The following TMEM135 variants were observed in gnomAD, a reference collection of about 807,000 sequenced individuals.
The protein encoded by TMEM135 is transmembrane protein 135.
Under a neutral mutation model 60.3 loss-of-function variants are expected in TMEM135, and 30 were observed. That is an observed-to-expected ratio of 0.50 (90% CI 0.37 to 0.68). TMEM135 has a LOEUF of 0.68. TMEM135 is among the 30% of genes least tolerant of loss of function. The pLI is 0.00. For synonymous variants in TMEM135, 190 were observed against 186.7 expected (o/e 1.02, Z -0.14); for missense variants, 468 against 548.8 (o/e 0.85, Z 1.47).
chr11:87,082,794 T>C (rs926296315), intron 3 of TMEM135, among the ~76,000 whole-genome samples: 1 of 152,192 alleles, frequency 6.6e-6, no homozygotes, highest in Admixed American at 6.5e-5. Context: ...AGAAGAAACA[T>C]ATTGTGATGA....
At chr11:87,268,404 C>T (rs144542697) in intron 6 of TMEM135, among the ~76,000 whole-genome samples, 37 of 152,074 alleles carry the variant, frequency 2.4e-4, no homozygotes, top group African/African-American at 8.2e-4. Flanking sequence ...GTGTGAACCA[C>T]CATGCCAGGC....
intron 4 of TMEM135, among the ~76,000 whole-genome samples, chr11:87,115,494 A>T (rs1484156255): frequency 6.6e-6 from 1 of 152,146 alleles, no homozygotes; most frequent in Non-Finnish European, 1.5e-5. Context: ...ATACTTTTGT[A>T]ATTACTTTGC....
intron 5 of TMEM135, among the ~76,000 whole-genome samples, chr11:87,184,498 A>C (rs1939601535): frequency 6.6e-6 from 1 of 152,200 alleles, no homozygotes; most frequent in Non-Finnish European, 1.5e-5. Flanking sequence ...AAGACAATAC[A>C]TAGTGAATTT....
At chr11:87,306,575 A>G (rs115950258) in intron 9 of TMEM135, among the ~76,000 whole-genome samples, 2 of 152,186 alleles carry the variant, frequency 1.3e-5, no homozygotes, top group African/African-American at 2.4e-5. Flanking sequence ...AGTGGACTTG[A>G]GTACTAGTGT....
At chr11:87,225,499 A>G (rs899069500) in intron 5 of TMEM135, among the ~76,000 whole-genome samples, 1 of 148,492 alleles carries the variant, frequency 6.7e-6, no homozygotes, top group Admixed American at 6.8e-5. Context: ...CACATCTTGT[A>G]AAAAAAAAAG....
intron 6 of TMEM135, among the ~76,000 whole-genome samples, chr11:87,254,102 A>G (rs1475827840): frequency 6.6e-6 from 1 of 152,148 alleles, no homozygotes; most frequent in African/African-American, 2.4e-5. Context: ...AGAAATAATT[A>G]TGATAAATTT....
At chr11:87,045,635 A>G (rs1014312817) in intron 1 of TMEM135, among the ~76,000 whole-genome samples, 6 of 152,334 alleles carry the variant, frequency 3.9e-5, no homozygotes, top group Non-Finnish European at 8.8e-5. Context: ...CAGATTTTCC[A>G]TCAGATTGCC....
At position 87,328,200 on chromosome 11, in the gene TMEM135, T is replaced by A. The variant is rs1942942639; in HGVS notation, c.*6867T>A. The A allele has an allele frequency of 2.2e-6, 1 of 453,968 alleles. No individual in the cohort carries two copies. The highest frequency in any genetic ancestry group is 2.0e-5 in the African/African-American group (1 of 50,008). 28.1% of individuals were successfully genotyped at this position (453,968 alleles called of 1,614,324 possible). A position where few individuals can be genotyped will look rare whatever the true frequency, so the allele number is the denominator to read the frequency against. ...TGTATAGATCAGATCTCAGTTTCAT[T>A]TCCCATTATATCCTTCTCTCTCTTG... On this transcript the variant is annotated 3_prime_UTR_variant, in exon 15 of 15. Transcript: ENST00000305494.
chr11:87,258,816 C>T, intron 6 of TMEM135: 1 of 626,572 alleles, frequency 1.6e-6, no homozygotes. Flanking sequence ...CTGACTTCTC[C>T]CACGGAGACA....
At chr11:87,187,665 A>G (rs1207640076) in intron 5 of TMEM135, among the ~76,000 whole-genome samples, 1 of 152,210 alleles carries the variant, frequency 6.6e-6, no homozygotes, top group African/African-American at 2.4e-5. Flanking sequence ...AAATTTACTT[A>G]ATGCGTATAG....
At chr11:87,308,207 G>A (rs998449873) in intron 9 of TMEM135, among the ~76,000 whole-genome samples, 4 of 152,060 alleles carry the variant, frequency 2.6e-5, no homozygotes, top group African/African-American at 9.7e-5. Context: ...GTAATGTTTG[G>A]CAGATAACAG....
At chr11:87,163,260 T>C (rs900489676) in intron 5 of TMEM135, among the ~76,000 whole-genome samples, 2 of 142,762 alleles carry the variant, frequency 1.4e-5, no homozygotes, top group African/African-American at 5.2e-5. Context: ...ATTGTTCAAT[T>C]CCCACCTATG....
rs1341352165 is a variant in TMEM135, at chr11:87,178,339, A to G, written c.462+20933A>G. 12 of 447,522 alleles carry G rather than the reference A, an allele frequency of 2.7e-5. No homozygotes were observed. In the Admixed American group the frequency reaches 2.9e-4, roughly 11 times the overall value. The allele number at this position is 447,522 out of a possible 1,614,324, so 27.7% of individuals were successfully genotyped here. On this transcript the variant is annotated intron_variant, in intron 5 of 14. Transcript: ENST00000305494. ...AGGAACAAAGTCCAGATATATTTTT[A>G]TTATGCCACAATCTAAACTCTCTTT...
At chr11:87,144,867 G>A (rs1181983619) in intron 4 of TMEM135, among the ~76,000 whole-genome samples, 1 of 151,884 alleles carries the variant, frequency 6.6e-6, no homozygotes, top group Non-Finnish European at 1.5e-5. Context: ...TGGGAACAAA[G>A]CAATGTTATA....
intron 7 of TMEM135, among the ~76,000 whole-genome samples, chr11:87,300,753 G>T (rs757112072): frequency 1.3e-4 from 20 of 152,292 alleles, no homozygotes; most frequent in South Asian, 2.1e-4. Flanking sequence ...GGTCTCACAG[G>T]CCTCACAGTT....
intron 5 of TMEM135, among the ~76,000 whole-genome samples, chr11:87,184,890 A>C (rs1036623462): frequency 6.6e-6 from 1 of 152,182 alleles, no homozygotes; most frequent in African/African-American, 2.4e-5. Flanking sequence ...TGTTTGCTAA[A>C]TAAAAACTTA....
chr11:87,241,765 G>C (rs1941140124), intron 6 of TMEM135, among the ~76,000 whole-genome samples: 1 of 151,814 alleles, frequency 6.6e-6, no homozygotes, highest in Non-Finnish European at 1.5e-5. Context: ...GAGAACATGT[G>C]ATTTTTCTCT....
chr11:87,231,003 CA>C (rs1940877504), intron 5 of TMEM135, among the ~76,000 whole-genome samples: 1 of 151,936 alleles, frequency 6.6e-6, no homozygotes, highest in African/African-American at 2.4e-5. Flanking sequence ...AAATGGTATG[CA>C]AGATCCTGGA....
intron 5 of TMEM135, among the ~76,000 whole-genome samples, chr11:87,223,563 C>A (rs948146053): frequency 1.4e-4 from 21 of 152,064 alleles, no homozygotes; most frequent in South Asian, 1.0e-3. Context: ...AGAAAAAAAA[C>A]CCCAAAAAGT....
Sources: allele counts gnomAD v4.1 joint callset (sites outside exome capture counted in the v4.1 genomes callset), GRCh38; gene constraint gnomAD v4.1.1; transcripts MANE v1.5; gene names NCBI Gene and HGNC (gene_info 2026-07-23, HGNC 2026-07-21).